EPHA5: variants seen among roughly 807,000 people sequenced by gnomAD.
The protein encoded by EPHA5 is ephrin type-A receptor 5.
EPHA5 carries 60 observed loss-of-function variants against 105.0 expected under a neutral mutation model. That is an observed-to-expected ratio of 0.57 (90% CI 0.46 to 0.71). The LOEUF is 0.71. Among genes scored for constraint, EPHA5 ranks in the 30% least tolerant of loss-of-function variants. The probability of loss-of-function intolerance (pLI) is 0.00; values close to 1 mark genes in which losing one functional copy is unlikely to be tolerated. For synonymous variants in EPHA5, 513 were observed against 449.1 expected (o/e 1.14, Z -1.80); for missense variants, 1,218 against 1,274.7 (o/e 0.96, Z 0.68).
intron 16 of EPHA5, among the ~76,000 whole-genome samples, chr4:65,329,624 A>G (rs1388800067): frequency 6.6e-6 from 1 of 151,334 alleles, no homozygotes; most frequent in Non-Finnish European, 1.5e-5. Context: ...AGCTTCTACT[A>G]TCTTCTGACA....
At chr4:65,409,084 A>G (rs555312304) in intron 7 of EPHA5, among the ~76,000 whole-genome samples, 252 of 144,640 alleles carry the variant, frequency 1.7e-3, no homozygotes, top group African/African-American at 5.8e-3. Flanking sequence ...GTAAACTATC[A>G]CAAGAACAAA....
At chr4:65,540,702 C>T (rs926317447) in intron 3 of EPHA5, among the ~76,000 whole-genome samples, 7 of 150,948 alleles carry the variant, frequency 4.6e-5, no homozygotes, top group African/African-American at 1.5e-4. Context: ...TACCTAGGCT[C>T]TTAGATTGTA....
intron 1 of EPHA5, among the ~76,000 whole-genome samples, chr4:65,651,952 C>G (rs1156852165): frequency 6.6e-6 from 1 of 152,076 alleles, no homozygotes. Flanking sequence ...GAGCAGTCTG[C>G]TATATTCACA....
chr4:65,502,491 A>T (rs770541407), intron 3 of EPHA5, among the ~76,000 whole-genome samples: 5 of 151,916 alleles, frequency 3.3e-5, no homozygotes, highest in Non-Finnish European at 5.9e-5. Flanking sequence ...GTCAACAAAC[A>T]TGAAAAAAAT....
intron 1 of EPHA5, among the ~76,000 whole-genome samples, chr4:65,656,593 A>G (rs1749086949): frequency 6.8e-6 from 1 of 147,172 alleles, no homozygotes; most frequent in African/African-American, 2.5e-5. Context: ...TATATTATAT[A>G]TATATAATAT....
chr4:65,414,947 G>C (rs1277839598), intron 6 of EPHA5, among the ~76,000 whole-genome samples: 2 of 152,088 alleles, frequency 1.3e-5, no homozygotes, highest in Non-Finnish European at 2.9e-5. Flanking sequence ...TACTTCACTG[G>C]TGAAATTTAA....
Position 65,544,022 on chromosome 4 carries a change from T to C in EPHA5, c.911-48479A>G, listed in dbSNP as rs544997890. ...TTGCTGGGAAAACTAGCTAGCCGTA[T>C]GCAGAAAACTGAAACTGGACCCCTT... On this transcript the variant is annotated intron_variant, in intron 3 of 16. Transcript: ENST00000613740. Among the ~76,000 whole-genome samples the C allele has an allele frequency of 3.7e-4, 57 of 152,232 alleles. 1 individual carries two copies. The highest frequency in any genetic ancestry group is 1.3e-3 in the African/African-American group (55 of 41,548).
At chr4:65,601,615 C>T in intron 3 of EPHA5, 26 bp downstream of exon 3, 1 of 1,602,782 alleles carries the variant, frequency 6.2e-7, no homozygotes, top group Non-Finnish European at 8.5e-7. Flanking sequence ...CAGACAGCCC[C>T]TGCAGATCTG....
At chr4:65,657,721 C>A (rs1749194360) in intron 1 of EPHA5, among the ~76,000 whole-genome samples, 1 of 151,962 alleles carries the variant, frequency 6.6e-6, no homozygotes, top group Non-Finnish European at 1.5e-5. Context: ...GTGTACTTAA[C>A]AGCAGTGACT....
intron 5 of EPHA5, among the ~76,000 whole-genome samples, chr4:65,432,700 C>T (rs368934048): frequency 6.6e-6 from 1 of 151,818 alleles, no homozygotes; most frequent in African/African-American, 2.4e-5. Flanking sequence ...CCTAAGTATC[C>T]TGGAATATAG....
chr4:65,371,039 T>C (rs1378739608), intron 8 of EPHA5, among the ~76,000 whole-genome samples: 1 of 152,158 alleles, frequency 6.6e-6, no homozygotes, highest in Admixed American at 6.6e-5. Context: ...AGTCAATAAA[T>C]ATGTCATTCT....
intron 3 of EPHA5, among the ~76,000 whole-genome samples, chr4:65,581,182 A>G (rs1159737838): frequency 6.6e-6 from 1 of 151,646 alleles, no homozygotes; most frequent in East Asian, 1.9e-4. Flanking sequence ...TTGTCTTGTC[A>G]CTTCTCTAAA....
intron 3 of EPHA5, chr4:65,573,401 AC>A (rs1334764661): frequency 9.9e-7 from 1 of 1,006,756 alleles, no homozygotes; most frequent in African/African-American, 2.2e-5. Flanking sequence ...ACCGAGCCAG[AC>A]TCCGTCTCAA....
chr4:65,574,475 T>A (rs898600104), intron 3 of EPHA5: 12 of 324,270 alleles, frequency 3.7e-5, no homozygotes, highest in Non-Finnish European at 5.2e-5. Context: ...ATAAATGTAG[T>A]TAAATATTTG....
At chr4:65,387,633 A>C (rs1035171106) in intron 8 of EPHA5, among the ~76,000 whole-genome samples, 3 of 151,936 alleles carry the variant, frequency 2.0e-5, no homozygotes, top group African/African-American at 7.2e-5. Flanking sequence ...GTAAATCCAA[A>C]AGACTACAGT....
At chr4:65,391,182 T>C (rs1720681126) in intron 8 of EPHA5, among the ~76,000 whole-genome samples, 1 of 152,050 alleles carries the variant, frequency 6.6e-6, no homozygotes, top group South Asian at 2.1e-4. Flanking sequence ...GGTCTCTCCT[T>C]TGACATGAGG....
At chr4:65,455,166 G>C (rs1194661526) in intron 5 of EPHA5, among the ~76,000 whole-genome samples, 3 of 152,110 alleles carry the variant, frequency 2.0e-5, no homozygotes, top group African/African-American at 7.2e-5. Flanking sequence ...CTGGGAGGCA[G>C]AGCTTGCAGT....
Position 65,320,950 on chromosome 4 carries a change from A to T in EPHA5, c.*3164T>A, listed in dbSNP as rs1285177848. ...ACACAAGAAATAAAAGATCATGCAC[A>T]TTACAATTTTAAAACATAGGAAAAT... On this transcript the variant is annotated 3_prime_UTR_variant, in exon 17 of 17. Transcript: ENST00000613740. 4.3e-6 allele frequency: 1 copy of T among 230,372 alleles called. No individual in the cohort carries two copies. The highest frequency in any genetic ancestry group is 8.6e-6 in the Non-Finnish European group (1 of 116,220). 14.3% of individuals were successfully genotyped at this position (230,372 alleles called of 1,614,324 possible).
rs561382252 is a variant in EPHA5 at position 65,564,164 on chromosome 4, CAAGAT to C, written c.910+37472_910+37476del. ...CTGTATTTCTGTATCACAAATAACT[CAAGAT>C]AATCATTTTTCTTGCATATTAATTG... On this transcript the variant is annotated intron_variant, in intron 3 of 16. Coordinates refer to ENST00000613740, the MANE Select transcript of EPHA5 (RefSeq NM_001281766.3). Among the ~76,000 whole-genome samples, 363 of 151,922 alleles carry C rather than the reference CAAGAT, an allele frequency of 2.4e-3. 3 individuals are homozygous for C. The highest frequency in any genetic ancestry group is 4.4e-3 in the Non-Finnish European group (300 of 67,884).
Sources: gnomAD v4.1 joint callset for allele counts (sites outside exome capture counted in the v4.1 genomes callset) on GRCh38, gnomAD v4.1.1 for gene constraint, MANE v1.5 for transcripts, NCBI Gene and HGNC (gene_info 2026-07-23, HGNC 2026-07-21) for gene names.